Variants in SV2C observed in about 807,000 individuals in gnomAD.
SV2C encodes solute carrier family 22 member B3.
A neutral mutation model predicts 79.7 loss-of-function variants in SV2C; 49 were observed. That is an observed-to-expected ratio of 0.61 (90% CI 0.49 to 0.78). The LOEUF is 0.78. SV2C is among the 30% of genes least tolerant of loss of function. The pLI, the probability that SV2C is intolerant of heterozygous loss-of-function variation, is 0.00. For missense variants in SV2C, 833 were observed against 912.9 expected (o/e 0.91, Z 1.13); for synonymous variants, 334 against 333.2 (o/e 1.00, Z -0.03).
intron 4 of SV2C, among the ~76,000 whole-genome samples, chr5:76,279,327 C>A (rs1455381686): frequency 6.6e-6 from 1 of 152,142 alleles, no homozygotes; most frequent in Non-Finnish European, 1.5e-5. Context: ...GTGGCACTTA[C>A]AGTCTTGGAG....
At chr5:76,206,407 C>T (rs1194784247) in intron 3 of SV2C, among the ~76,000 whole-genome samples, 4 of 152,268 alleles carry the variant, frequency 2.6e-5, no homozygotes, top group Non-Finnish European at 2.9e-5. Context: ...CAACAAGGAC[C>T]GTCAGGTCAT....
At chr5:75,954,819 T>A in the SV2C span, among the ~76,000 whole-genome samples, 1 of 145,154 alleles carries the variant, frequency 6.9e-6, no homozygotes, top group African/African-American at 2.8e-5. Flanking sequence ...ATAAAATACC[T>A]AGGAATCCAA....
intron 5 of SV2C, 94 bp downstream of exon 5, chr5:76,285,389 G>A: frequency 2.6e-6 from 4 of 1,522,564 alleles, no homozygotes; most frequent in Non-Finnish European, 3.5e-6. Flanking sequence ...TATTTGAGAG[G>A]TACATTTTCC....
chr5:76,245,132 A>G (rs1745905158), intron 4 of SV2C, among the ~76,000 whole-genome samples: 1 of 152,144 alleles, frequency 6.6e-6, no homozygotes, highest in Admixed American at 6.6e-5. Flanking sequence ...TTGCCCTTCT[A>G]TGTTTCAATT....
the SV2C span, among the ~76,000 whole-genome samples, chr5:76,032,534 G>A: frequency 1.4e-4 from 22 of 152,274 alleles, no homozygotes; most frequent in African/African-American, 4.6e-4. Context: ...TACTGAGAAT[G>A]ATGATTTCCA....
chr5:76,347,049 G>C (rs1749558400), intron 12 of SV2C, among the ~76,000 whole-genome samples: 1 of 152,238 alleles, frequency 6.6e-6, no homozygotes, highest in Admixed American at 6.5e-5. Flanking sequence ...TCATAAAGAA[G>C]TGAGAGGGAA....
the SV2C span, among the ~76,000 whole-genome samples, chr5:75,917,632 G>A: frequency 6.6e-6 from 1 of 152,136 alleles, no homozygotes; most frequent in East Asian, 1.9e-4. Context: ...TGAACTCATT[G>A]ACATAGAGAG....
chr5:75,883,718 G>A, the SV2C span, among the ~76,000 whole-genome samples: 2 of 149,826 alleles, frequency 1.3e-5, no homozygotes, highest in Non-Finnish European at 3.0e-5. Context: ...GGATAGCATT[G>A]GGAGATATAC....
chr5:76,084,916 GCCGGGAAGGAGCCGCAGCTA>G (rs1449202138), intron 1 of SV2C, among the ~76,000 whole-genome samples: 3 of 152,012 alleles, frequency 2.0e-5, no homozygotes, highest in African/African-American at 7.2e-5. Context: ...GCGCCGCAGT[GCCGGGAAGGAGCCGCAGCTA>G]CCGGGCGCTC....
intron 2 of SV2C, among the ~76,000 whole-genome samples, chr5:76,192,245 T>C (rs1255051951): frequency 6.6e-6 from 1 of 152,154 alleles, no homozygotes; most frequent in Non-Finnish European, 1.5e-5. Context: ...GTCAGTGGGT[T>C]TGGAGTGGCG....
intron 8 of SV2C, 142 bp from the exon 9 acceptor site, chr5:76,295,636 T>C: frequency 1.4e-6 from 1 of 693,356 alleles, no homozygotes; most frequent in Non-Finnish European, 2.3e-6. Flanking sequence ...ACACATGGAT[T>C]GCTGTATGAT....
At chr5:76,309,397 G>A (rs1304663783) in intron 12 of SV2C, among the ~76,000 whole-genome samples, 1 of 151,878 alleles carries the variant, frequency 6.6e-6, no homozygotes, top group African/African-American at 2.4e-5. Flanking sequence ...TCAGGAGATC[G>A]AGACCATCCT....
At chr5:75,997,775 T>C in the SV2C span, among the ~76,000 whole-genome samples, 5 of 152,102 alleles carry the variant, frequency 3.3e-5, no homozygotes, top group Admixed American at 1.3e-4. Flanking sequence ...TTGTGGAAGT[T>C]AGTGTGGCAA....
intron 2 of SV2C, among the ~76,000 whole-genome samples, chr5:76,152,841 G>A (rs1252226377): frequency 2.0e-5 from 3 of 152,188 alleles, no homozygotes; most frequent in Non-Finnish European, 4.4e-5. Flanking sequence ...CAGTTATGTG[G>A]CTGATATTAA....
chr5:76,115,999 G>A (rs1229843488), intron 1 of SV2C, among the ~76,000 whole-genome samples: 1 of 152,114 alleles, frequency 6.6e-6, no homozygotes, highest in Non-Finnish European at 1.5e-5. Flanking sequence ...GCCTTAATTG[G>A]GCTTCTCTTT....
chr5:76,313,793 A>G (rs144471345), intron 12 of SV2C, among the ~76,000 whole-genome samples: 252 of 152,300 alleles, frequency 1.7e-3, no homozygotes, highest in African/African-American at 5.8e-3. Flanking sequence ...TCATTAGGCT[A>G]AGGGCAGAAC....
At chr5:75,930,107 A>G in the SV2C span, among the ~76,000 whole-genome samples, 1 of 152,104 alleles carries the variant, frequency 6.6e-6, no homozygotes. Flanking sequence ...TTTTTCCTCC[A>G]GTCCCTACTA....
intron 4 of SV2C, among the ~76,000 whole-genome samples, chr5:76,238,978 G>A (rs1472869034): frequency 6.6e-6 from 1 of 152,064 alleles, no homozygotes; most frequent in East Asian, 1.9e-4. Context: ...GCATTCACAG[G>A]TTTTCGATGA....
the SV2C span, among the ~76,000 whole-genome samples, chr5:76,006,479 G>A: frequency 2.7e-3 from 405 of 152,256 alleles, 3 homozygotes; most frequent in African/African-American, 9.4e-3. Flanking sequence ...TCCCATGCAG[G>A]AATATCTCTG....
Sources: gnomAD v4.1 joint callset for allele counts (sites outside exome capture counted in the v4.1 genomes callset) on GRCh38, gnomAD v4.1.1 for gene constraint, MANE v1.5 for transcripts, NCBI Gene and HGNC (gene_info 2026-07-23, HGNC 2026-07-21) for gene names.